Variants in GRIK3 observed in about 807,000 individuals in gnomAD.
The protein encoded by GRIK3 is glutamate ionotropic receptor kainate type subunit 3, also known as glutamate receptor ionotropic, kainate 3.
Under a neutral mutation model 102.5 loss-of-function variants are expected in GRIK3, and 29 were observed. The ratio of observed to expected loss-of-function variants is 0.28; its 90% confidence interval spans 0.21 to 0.39. GRIK3 has a LOEUF of 0.39. GRIK3 is among the 10% of genes least tolerant of loss of function. The pLI, the probability that GRIK3 is intolerant of heterozygous loss-of-function variation, is 1.00. For missense variants in GRIK3, 908 were observed against 1,252.4 expected, an observed-to-expected ratio of 0.73 and a Z score of 4.15; for synonymous variants, 511 against 504.9, an observed-to-expected ratio of 1.01 and a Z score of -0.16.
chr1:36,845,141 C>G (rs974977640), intron 9 of GRIK3, among the ~76,000 whole-genome samples: 3 of 152,194 alleles, frequency 2.0e-5, no homozygotes, highest in African/African-American at 7.2e-5. Flanking sequence ...TGTCTCTAGA[C>G]CTGCAACATT....
intron 1 of GRIK3, among the ~76,000 whole-genome samples, chr1:36,974,016 CTG>C (rs1047770775): frequency 6.6e-6 from 1 of 152,184 alleles, no homozygotes; most frequent in Admixed American, 6.5e-5. Flanking sequence ...TGAGATGACT[CTG>C]TGGTGTGTTT....
intron 1 of GRIK3, among the ~76,000 whole-genome samples, chr1:36,957,937 GCC>G: frequency 1.6e-5 from 1 of 60,956 alleles, no homozygotes; most frequent in Non-Finnish European, 3.0e-5. Flanking sequence ...TGCCCCATGA[GCC>G]TGTGTGTCCC....
rs1222783989 is a variant in GRIK3, at chr1:36,806,008, T to C, written c.2314+96A>G. 6.2e-6 allele frequency: 4 copies of C among 642,780 alleles called. No individual in the cohort carries two copies. The highest frequency in any genetic ancestry group is 1.1e-5 in the Non-Finnish European group (4 of 371,182). 39.8% of individuals were successfully genotyped at this position (642,780 alleles called of 1,614,324 possible). A position where few individuals can be genotyped will look rare whatever the true frequency, so the allele number is the denominator to read the frequency against. ...GAAAACGTCACCTTTATCAGCCCCA[T>C]GGAATGAGCTGTGAGACGGAGTGTG... On this transcript the variant is annotated intron_variant, in intron 14 of 15. Transcript: ENST00000373091. This position sits in a 1 kb window ranked among gnomAD's most constrained non-coding sequence, Gnocchi z 4.0.
intron 1 of GRIK3, among the ~76,000 whole-genome samples, chr1:36,973,722 C>T (rs1321314281): frequency 1.3e-5 from 2 of 152,022 alleles, no homozygotes; most frequent in Admixed American, 1.3e-4. Flanking sequence ...AGCCACCGCG[C>T]TGGGCCTAGA....
chr1:36,830,734 C>T (rs111322499), intron 10 of GRIK3, among the ~76,000 whole-genome samples: 22,736 of 146,678 alleles, frequency 0.16, 1,815 homozygotes, highest in African/African-American at 0.19. Flanking sequence ...TTGCTTGAAC[C>T]TAGGAGGCAG....
chr1:36,953,781 T>C (rs1050411224), intron 1 of GRIK3, among the ~76,000 whole-genome samples: 17 of 151,856 alleles, frequency 1.1e-4, no homozygotes, highest in Admixed American at 1.1e-3. Context: ...TGGTGAGAGA[T>C]GCTCAGAGGG....
intron 2 of GRIK3, among the ~76,000 whole-genome samples, chr1:36,883,516 C>T (rs1377863726): frequency 2.0e-5 from 3 of 152,216 alleles, no homozygotes; most frequent in Admixed American, 2.0e-4. Context: ...ATGGCTTTCC[C>T]TCTGGAAGAC....
intron 1 of GRIK3, among the ~76,000 whole-genome samples, chr1:37,011,146 C>G (rs1427436214): frequency 6.6e-6 from 1 of 152,152 alleles, no homozygotes; most frequent in East Asian, 1.9e-4. Flanking sequence ...AAAAATGCTC[C>G]GAGCTGGAGT....
At chr1:37,024,310 A>T (rs1014059799) in intron 1 of GRIK3, among the ~76,000 whole-genome samples, 2 of 152,156 alleles carry the variant, frequency 1.3e-5, no homozygotes, top group Admixed American at 6.5e-5. Flanking sequence ...CTCAAGCCAG[A>T]GTCAGTGGGC....
chr1:36,929,998 C>T (rs1318259454), intron 1 of GRIK3, among the ~76,000 whole-genome samples: 1 of 152,172 alleles, frequency 6.6e-6, no homozygotes, highest in African/African-American at 2.4e-5. Context: ...CCTGACAGTC[C>T]ATAGAGTTGT....
chr1:36,823,595 A>G (rs1281912102), intron 11 of GRIK3, among the ~76,000 whole-genome samples: 1 of 151,890 alleles, frequency 6.6e-6, no homozygotes, highest in Non-Finnish European at 1.5e-5. Context: ...CTGGCCCGGC[A>G]TCTCTGCCTG....
At chr1:36,803,621 G>A (rs1266020322) in intron 15 of GRIK3, among the ~76,000 whole-genome samples, 2 of 152,062 alleles carry the variant, frequency 1.3e-5, no homozygotes, top group African/African-American at 2.4e-5. Context: ...AGTAGAGACG[G>A]GGTTTTACAG....
rs541001537 is a variant in GRIK3 at position 36,979,981 on chromosome 1, C to T, written c.115+54013G>A. On this transcript the variant is annotated intron_variant, in intron 1 of 15. Transcript: ENST00000373091. ...TCCACATGCCTCTTGAGAGGACACC[C>T]TCTTGAGTGGCAACTCAGCAAACCT... Among the ~76,000 whole-genome samples the T allele has an allele frequency of 2.0e-5, 3 of 152,322 alleles. No individual in the cohort carries two copies. In the South Asian group the frequency reaches 6.2e-4, roughly 32 times the overall value.
intron 1 of GRIK3, among the ~76,000 whole-genome samples, chr1:37,001,579 T>C (rs1204241830): frequency 1.3e-5 from 2 of 152,058 alleles, no homozygotes; most frequent in Non-Finnish European, 2.9e-5. Context: ...CATTTGCTCA[T>C]TTGTGGGAAT....
intron 10 of GRIK3, among the ~76,000 whole-genome samples, chr1:36,831,176 G>A (rs1438923789): frequency 6.6e-6 from 1 of 152,176 alleles, no homozygotes; most frequent in African/African-American, 2.4e-5. Context: ...ACTCTGAAGA[G>A]CAAGCATCAT....
At chr1:36,838,639 C>T (rs1273074444) in intron 10 of GRIK3, among the ~76,000 whole-genome samples, 1 of 152,124 alleles carries the variant, frequency 6.6e-6, no homozygotes, top group African/African-American at 2.4e-5. Flanking sequence ...CTTTTTAAGT[C>T]CTGTTGGTCA....
intron 1 of GRIK3, among the ~76,000 whole-genome samples, chr1:36,998,982 GTGTGTGTGTGTGTGTGTGTGTGTGTA>G (rs1419188194): frequency 1.7e-5 from 2 of 117,144 alleles, no homozygotes; most frequent in African/African-American, 3.8e-5. Flanking sequence ...CTTTGGAAGT[GTGTGTGTGTGTGTGTGTGTGTGTGTA>G]TGTGTGTGTG....
At chr1:37,030,257 G>A (rs1319732439) in intron 1 of GRIK3, among the ~76,000 whole-genome samples, 5 of 152,168 alleles carry the variant, frequency 3.3e-5, no homozygotes, top group Admixed American at 6.5e-5. Context: ...ATGTTTCAGC[G>A]CATCACCAGT....
intron 1 of GRIK3, among the ~76,000 whole-genome samples, chr1:36,911,480 A>G (rs1256951175): frequency 1.3e-5 from 2 of 152,210 alleles, no homozygotes; most frequent in African/African-American, 4.8e-5. Flanking sequence ...ATGAGGTGAT[A>G]GGAAGGCTGG....
Sources: gnomAD v4.1 joint callset for allele counts (sites outside exome capture counted in the v4.1 genomes callset) on GRCh38, gnomAD v4.1.1 for gene constraint, Gnocchi (gnomAD v3.1) non-coding constraint, MANE v1.5 for transcripts, NCBI Gene and HGNC (gene_info 2026-07-23, HGNC 2026-07-21) for gene names.